IL1RAPL2: variants seen among roughly 807,000 people sequenced by gnomAD.
The protein encoded by IL1RAPL2 is interleukin 1 receptor accessory protein like 2.
Under a neutral mutation model 44.1 loss-of-function variants are expected in IL1RAPL2, and 3 were observed. The ratio of observed to expected loss-of-function variants is 0.07; its 90% confidence interval spans 0.03 to 0.18. IL1RAPL2 has a LOEUF of 0.18. IL1RAPL2 is among the 10% of genes least tolerant of loss of function. The probability of loss-of-function intolerance (pLI) is 1.00; values close to 1 mark genes in which losing one functional copy is unlikely to be tolerated. For missense variants in IL1RAPL2, 391 were observed against 496.4 expected (o/e 0.79, Z 2.02); for synonymous variants, 181 against 178.8 (o/e 1.01, Z -0.10).
At chrX:105,191,872 C>T (rs1205628156) in intron 2 of IL1RAPL2, among the ~76,000 whole-genome samples, 1 of 111,972 alleles carries the variant, frequency 8.9e-6, no homozygotes, top group Admixed American at 9.5e-5. Flanking sequence ...TCAATGCCTC[C>T]ATTCACATTT....
chrX:104,950,866 C>A (rs1459796511), intron 2 of IL1RAPL2, among the ~76,000 whole-genome samples: 1 of 111,036 alleles, frequency 9.0e-6, no homozygotes, highest in Non-Finnish European at 1.9e-5. Context: ...CGCCACCTCG[C>A]CCGGCTAATT....
At chrX:104,661,824 G>C (rs894045382) in intron 2 of IL1RAPL2, among the ~76,000 whole-genome samples, 1 of 111,550 alleles carries the variant, frequency 9.0e-6, no homozygotes, top group South Asian at 3.8e-4. Context: ...AATCACTAAC[G>C]GAACTCGTAA....
intron 2 of IL1RAPL2, among the ~76,000 whole-genome samples, chrX:105,162,121 A>C (rs2033331199): frequency 8.9e-6 from 1 of 112,337 alleles, no homozygotes; most frequent in Non-Finnish European, 1.9e-5. Flanking sequence ...TACAATGGCA[A>C]GAGCACTTGT....
Position 104,898,775 on chromosome X carries a change from A to G in IL1RAPL2, c.82+239780A>G, listed in dbSNP as rs761725696. Among the ~76,000 whole-genome samples, 5 of 111,808 alleles carry G rather than the reference A, an allele frequency of 4.5e-5. No individual in the cohort carries two copies. The East Asian group carries it at 1.1e-3, about 25-fold the overall frequency. On this transcript the variant is annotated intron_variant, in intron 2 of 10. Coordinates refer to ENST00000372582, the MANE Select transcript of IL1RAPL2 (RefSeq NM_017416.2). ...CTGAACATTTTCTTTTGTTTCTTTT[A>G]TTTTTCCCAACAAGTCCTCCATTGA... is the stretch of plus-strand genomic sequence containing the variant.
intron 2 of IL1RAPL2, among the ~76,000 whole-genome samples, chrX:105,159,405 C>T (rs188234457): frequency 8.9e-6 from 1 of 111,948 alleles, no homozygotes; most frequent in East Asian, 2.8e-4. Flanking sequence ...AGTCTTTCCC[C>T]ACCTCCTCTA....
At chrX:104,837,348 G>A (rs191460772) in intron 2 of IL1RAPL2, among the ~76,000 whole-genome samples, 99 of 111,644 alleles carry the variant, frequency 8.9e-4, no homozygotes, top group African/African-American at 3.0e-3. Context: ...CCCACTAGCA[G>A]TGTAAAAGCA....
intron 6 of IL1RAPL2, among the ~76,000 whole-genome samples, chrX:105,574,506 T>C (rs1467759808): frequency 1.8e-5 from 2 of 111,993 alleles, no homozygotes. Flanking sequence ...ATTTGGACTT[T>C]AGATGATAAT....
intron 2 of IL1RAPL2, among the ~76,000 whole-genome samples, chrX:104,999,698 T>G (rs2147735633): frequency 9.1e-6 from 1 of 110,134 alleles, no homozygotes; most frequent in Admixed American, 9.6e-5. Flanking sequence ...GCTTACAGGC[T>G]CCTCCTTTTT....
intron 5 of IL1RAPL2, among the ~76,000 whole-genome samples, chrX:105,295,469 G>A: frequency 8.9e-6 from 1 of 111,888 alleles, no homozygotes; most frequent in Admixed American, 9.5e-5. Context: ...GGTGTAAAGT[G>A]AATCCTGTGA....
At chrX:104,950,128 G>T (rs1333564534) in intron 2 of IL1RAPL2, among the ~76,000 whole-genome samples, 1 of 111,634 alleles carries the variant, frequency 9.0e-6, no homozygotes, top group Non-Finnish European at 1.9e-5. Flanking sequence ...TATATATTTA[G>T]GATAGTTAGC....
intron 5 of IL1RAPL2, among the ~76,000 whole-genome samples, chrX:105,375,005 TTATCAGCC>T (rs1362089820): frequency 6.5e-5 from 7 of 108,170 alleles, no homozygotes; most frequent in African/African-American, 1.0e-4. Context: ...TTCACTGAAG[TTATCAGCC>T]TAAGGAGCTT....
chrX:104,608,830 G>C (rs894337444), intron 1 of IL1RAPL2, among the ~76,000 whole-genome samples: 3 of 110,290 alleles, frequency 2.7e-5, no homozygotes, highest in African/African-American at 9.9e-5. Flanking sequence ...CTTTCAATTG[G>C]GGCATTTAGC....
At chrX:104,957,831 C>A (rs991782984) in intron 2 of IL1RAPL2, among the ~76,000 whole-genome samples, 33 of 111,389 alleles carry the variant, frequency 3.0e-4, no homozygotes, top group African/African-American at 9.8e-4. Context: ...GCCTATAATT[C>A]GAGCACTTTG....
rs749954456 is a variant in IL1RAPL2, at chrX:105,759,363, C to G, written c.1363+4016C>G. The stretch of plus-strand genomic sequence containing the variant: ...AAGCTTTAGAAAAAGCTACAGATGT[C>G]TAAGTGGACTTTGAAGAGAAAAAAA... On this transcript the variant is annotated intron_variant, in intron 10 of 10. Coordinates refer to ENST00000372582, the MANE Select transcript of IL1RAPL2 (RefSeq NM_017416.2). Among the ~76,000 whole-genome samples the G allele has an allele frequency of 3.1e-4, 35 of 111,537 alleles. 1 individual carries two copies. The South Asian group carries it at 8.7e-3, about 28-fold the overall frequency.
intron 5 of IL1RAPL2, among the ~76,000 whole-genome samples, chrX:105,428,465 G>A (rs1182878526): frequency 9.0e-6 from 1 of 111,369 alleles, no homozygotes; most frequent in African/African-American, 3.3e-5. Context: ...CTCTGTCTGA[G>A]ATTCCCCCTA....
At chrX:105,135,089 G>A (rs12156661) in intron 2 of IL1RAPL2, among the ~76,000 whole-genome samples, 2 of 107,789 alleles carry the variant, frequency 1.9e-5, no homozygotes, top group African/African-American at 3.4e-5. Flanking sequence ...ATTGCTATTT[G>A]TCCATCCCAT....
chrX:104,662,184 C>A (rs1930414152), intron 2 of IL1RAPL2, among the ~76,000 whole-genome samples: 2 of 111,875 alleles, frequency 1.8e-5, no homozygotes. Flanking sequence ...AGCAAACCTG[C>A]TTTTGGGTGG....
At chrX:104,612,089 C>G (rs1455096935) in intron 1 of IL1RAPL2, among the ~76,000 whole-genome samples, 1 of 111,452 alleles carries the variant, frequency 9.0e-6, no homozygotes, top group Non-Finnish European at 1.9e-5. Context: ...GGATATTGAA[C>G]CTTCATTGGG....
chrX:105,767,731 C>T lies in IL1RAPL2; in HGVS notation c.*70C>T. The T allele has an allele frequency of 4.0e-6, 3 of 746,463 alleles. No homozygotes were observed. Among genetic ancestry groups the T allele is most frequent in the Non-Finnish European group, 6.0e-6 (3 of 503,088 alleles). The allele number at this position is 746,463 out of a possible 1,213,427, so 61.5% of individuals were successfully genotyped here. A position where few individuals can be genotyped will look rare whatever the true frequency, so the allele number is the denominator to read the frequency against. Reference sequence around the variant, plus strand: ...TTTCTGTTATACCAAGCATAAAGTACACCTAATAACGTTGTGTTAAAAAAG... The same window carrying T: ...TTTCTGTTATACCAAGCATAAAGTATACCTAATAACGTTGTGTTAAAAAAG... On this transcript the variant is annotated 3_prime_UTR_variant, in exon 11 of 11. Transcript: ENST00000372582.
Sources: gnomAD v4.1 joint callset for allele counts (sites outside exome capture counted in the v4.1 genomes callset) on GRCh38, gnomAD v4.1.1 for gene constraint, MANE v1.5 for transcripts, NCBI Gene and HGNC (gene_info 2026-07-23, HGNC 2026-07-21) for gene names.